PCDHGB1: variants seen among roughly 807,000 people sequenced by gnomAD.
PCDHGB1 encodes protocadherin gamma-B1.
PCDHGB1 carries 34 observed loss-of-function variants against 56.6 expected under a neutral mutation model. That is an observed-to-expected ratio of 0.60 (90% CI 0.46 to 0.80). PCDHGB1 has a LOEUF of 0.80. PCDHGB1 is among the 30% of genes least tolerant of loss of function. The pLI is 0.00. For missense variants in PCDHGB1, 1,278 were observed against 1,204.6 expected (o/e 1.06, Z -0.90); for synonymous variants, 561 against 505.9 (o/e 1.11, Z -1.46).
At chr5:141,460,795 G>A (rs1007673184) in intron 1 of PCDHGB1, among the ~76,000 whole-genome samples, 3 of 151,492 alleles carry the variant, frequency 2.0e-5, no homozygotes, top group African/African-American at 4.9e-5. Flanking sequence ...TACACACAAA[G>A]TATATATATG....
chr5:141,371,107 A>G (rs202073589), intron 1 of PCDHGB1: 391 of 1,613,532 alleles, frequency 2.4e-4, no homozygotes, highest in Non-Finnish European at 3.2e-4. Flanking sequence ...GCAAATGATA[A>G]CCCCCCAGTA....
chr5:141,410,135 G>T, intron 1 of PCDHGB1: 1 of 1,612,626 alleles, frequency 6.2e-7, no homozygotes, highest in Non-Finnish European at 8.5e-7. Context: ...CCTGCTGGTC[G>T]CTGTGCGTGA....
rs574260415 is a variant in PCDHGB1, at chr5:141,354,689, C to T, written c.2409+2020C>T. On this transcript the variant is annotated intron_variant, in intron 1 of 3. Transcript: ENST00000523390. ...TTAGGAGAGATAATTATGTCCCTCA[C>T]ACAATACGCTATACTGAGAATGGGC... Among the ~76,000 whole-genome samples, 8 of 152,264 alleles carry T rather than the reference C, an allele frequency of 5.3e-5. No individual in the cohort carries two copies. In the East Asian group the frequency reaches 1.5e-3, roughly 29 times the overall value.
chr5:141,409,781 G>A lies in PCDHGB1; in HGVS notation c.2409+57112G>A, dbSNP rs753415525. On this transcript the variant is annotated intron_variant, in intron 1 of 3. Transcript: ENST00000523390. ...CGCCTTTGATCACGAGCAGCTGCGC[G>A]CCTTCGCGCTCACGCTGCAGGCCCG... is the stretch of plus-strand genomic sequence containing the variant. The A allele has an allele frequency of 8.7e-6, 14 of 1,612,178 alleles. No individual in the cohort carries two copies. The highest frequency in any genetic ancestry group is 6.7e-5 in the Admixed American group (4 of 59,882).
chr5:141,373,139 A>G (rs886915700), intron 1 of PCDHGB1, among the ~76,000 whole-genome samples: 1 of 152,238 alleles, frequency 6.6e-6, no homozygotes, highest in Non-Finnish European at 1.5e-5. Flanking sequence ...CCTCACAATT[A>G]AGTGGTTTAC....
intron 1 of PCDHGB1, chr5:141,484,865 G>A (rs1431313212): frequency 3.6e-6 from 1 of 278,548 alleles, no homozygotes; most frequent in Non-Finnish European, 6.7e-6. Flanking sequence ...GGGTGGGGGA[G>A]CGTGGAGGAT....
chr5:141,350,525 C>G lies in PCDHGB1; in HGVS notation c.265C>G (p.Arg89Gly). 2 of 1,613,934 alleles carry G rather than the reference C, an allele frequency of 1.2e-6. No homozygotes were observed. Among genetic ancestry groups the G allele is most frequent in the East Asian group, 4.5e-5 (2 of 44,878 alleles). ...TTTGTTAGTGAACGGTAGGATAGAT[C>G]GAGAGAAGATTTGCGGAAGGAAACT... ...GDLLVNGRID[R>G]EKICGRKLEC... is the part of the protein sequence containing the mutation. Residue 89 changes from arginine to glycine, a missense_variant, in exon 1 of 4, where the codon CGA becomes GGA. By Grantham distance (125) the Arg-to-Gly change is moderately radical (BLOSUM62 -2). Transcript: ENST00000523390.
chr5:141,365,707 C>T, intron 1 of PCDHGB1: 1 of 1,613,728 alleles, frequency 6.2e-7, no homozygotes, highest in Non-Finnish European at 8.5e-7. Flanking sequence ...CCTACTCCAC[C>T]TCTGTCACAG....
rs569451436 is a variant in PCDHGB1, at chr5:141,389,774, A to G, written c.2409+37105A>G. The G allele has an allele frequency of 2.5e-6, 4 of 1,613,170 alleles. No individual in the cohort carries two copies. The African/African-American group carries it at 5.3e-5, about 21-fold the overall frequency. On this transcript the variant is annotated intron_variant, in intron 1 of 3. Transcript: ENST00000523390. ...GCGAAGTGCGCACAGCGCGTGCCTTAGGCGACAGGGACGCCGTCCGCCAGC... is the reference window on the plus strand; with the variant it reads ...GCGAAGTGCGCACAGCGCGTGCCTTGGGCGACAGGGACGCCGTCCGCCAGC...
intron 1 of PCDHGB1, chr5:141,361,681 G>A: frequency 1.2e-6 from 2 of 1,613,558 alleles, no homozygotes; most frequent in Admixed American, 1.7e-5. Context: ...GGTGGTGTTC[G>A]CGCAGCGCGC....
chr5:141,415,380 C>G (rs759710024), intron 1 of PCDHGB1: 1 of 1,614,250 alleles, frequency 6.2e-7, no homozygotes, highest in South Asian at 1.1e-5. Flanking sequence ...CAGGAGGCGG[C>G]TTGACAGGTG....
At chr5:141,366,966 A>C in intron 1 of PCDHGB1, 1 of 605,066 alleles carries the variant, frequency 1.7e-6, no homozygotes. Context: ...TAAGTGAAAC[A>C]AATACCTTAA....
At chr5:141,375,758 G>A in intron 1 of PCDHGB1, 1 of 1,614,230 alleles carries the variant, frequency 6.2e-7, no homozygotes. Context: ...GAATGACAAT[G>A]CGCCCGAGAT....
chr5:141,371,914 T>C (rs1768185765), intron 1 of PCDHGB1: 1 of 1,613,262 alleles, frequency 6.2e-7, no homozygotes, highest in Admixed American at 1.7e-5. Context: ...TACGTGTCCG[T>C]GAGCGCGCGG....
rs1200950542 is a variant in PCDHGB1, at chr5:141,409,998, G to A, written c.2409+57329G>A. 4 of 1,613,236 alleles carry A rather than the reference G, an allele frequency of 2.5e-6. No homozygotes were observed. In the Admixed American group the frequency reaches 6.7e-5, roughly 27 times the overall value. On this transcript the variant is annotated intron_variant, in intron 1 of 3. Coordinates refer to ENST00000523390, the MANE Select transcript of PCDHGB1 (RefSeq NM_018922.3). ...GTGGTAGCGGTGGACGCCGACTCGGGACACAACGCCTGGCTGTCCTACCAC... is the reference window on the plus strand; with the variant it reads ...GTGGTAGCGGTGGACGCCGACTCGGAACACAACGCCTGGCTGTCCTACCAC...
At position 141,366,307 on chromosome 5, in the gene PCDHGB1, G is replaced by A. The variant is rs539472764; in HGVS notation, c.2409+13638G>A. 6.3e-5 allele frequency: 101 copies of A among 1,613,748 alleles called. 2 individuals carry two copies. In the South Asian group the frequency reaches 9.7e-4, roughly 15 times the overall value. On this transcript the variant is annotated intron_variant, in intron 1 of 3. Coordinates refer to ENST00000523390, the MANE Select transcript of PCDHGB1 (RefSeq NM_018922.3). ...AGCCCCCTCTGTCAGCCACCTTCAC[G>A]GTCACCGTTGCCGTGGCCGACAGGA...
Position 141,384,336 on chromosome 5 carries a change from C to T in PCDHGB1, c.2409+31667C>T, listed in dbSNP as rs1779973302. On this transcript the variant is annotated intron_variant, in intron 1 of 3. Transcript: ENST00000523390. ...TTTTCTTAGTGACTGCACAGGACCA[C>T]GACAGTGAGGATAATGCCCAGATCA... 9 of 1,613,748 alleles carry T rather than the reference C, an allele frequency of 5.6e-6. No homozygotes were observed. The East Asian group carries it at 1.1e-4, about 20-fold the overall frequency.
At position 141,447,140 on chromosome 5, in the gene PCDHGB1, T is replaced by C. The variant is rs770212881; in HGVS notation, c.2410-47667T>C. ...ATGGATTTTTTTGTTTGTTTGTTTT[T>C]TGTTTTTGTTTTTGTTTAAGCGGGG... On this transcript the variant is annotated intron_variant, in intron 1 of 3. Coordinates refer to ENST00000523390, the MANE Select transcript of PCDHGB1 (RefSeq NM_018922.3). Among the ~76,000 whole-genome samples the C allele has an allele frequency of 6.6e-5, 10 of 152,158 alleles. 1 individual carries two copies. Among genetic ancestry groups the C allele is most frequent in the Non-Finnish European group, 1.2e-4 (8 of 68,042 alleles).
chr5:141,357,800 T>A, intron 1 of PCDHGB1: 1 of 795,686 alleles, frequency 1.3e-6, no homozygotes, highest in East Asian at 2.7e-5. Flanking sequence ...CACACAAAAA[T>A]GTTGTTTATT....
Sources: allele counts gnomAD v4.1 joint callset (sites outside exome capture counted in the v4.1 genomes callset), GRCh38; gene constraint gnomAD v4.1.1; transcripts MANE v1.5; gene names NCBI Gene and HGNC (gene_info 2026-07-23, HGNC 2026-07-21).